The following PTPRG variants were observed in gnomAD, a reference collection of about 807,000 sequenced individuals.
PTPRG encodes the protein protein tyrosine phosphatase receptor type G.
Under a neutral mutation model 165.3 loss-of-function variants are expected in PTPRG, and 102 were observed. The observed-to-expected ratio is 0.62, with a 90% CI of 0.53 to 0.73. The LOEUF is 0.73. Among genes scored for constraint, PTPRG ranks in the 30% least tolerant of loss-of-function variants. The pLI is 0.00. For missense variants in PTPRG, 1,866 were observed against 1,861.4 expected, an observed-to-expected ratio of 1.00 and a Z score of -0.05; for synonymous variants, 675 against 669.5, an observed-to-expected ratio of 1.01 and a Z score of -0.13.
chr3:61,784,880 A>G (rs1172330204), intron 2 of PTPRG, among the ~76,000 whole-genome samples: 2 of 152,216 alleles, frequency 1.3e-5, no homozygotes, highest in Admixed American at 1.3e-4. Flanking sequence ...ACAGCTTAAT[A>G]GTCTGAAAAC....
intron 1 of PTPRG, among the ~76,000 whole-genome samples, chr3:61,744,461 C>T (rs1053059173): frequency 6.6e-6 from 1 of 152,192 alleles, no homozygotes; most frequent in Non-Finnish European, 1.5e-5. Context: ...CAATGTGTTA[C>T]CGTCCTGGAT....
At chr3:61,845,631 G>A (rs2036785290) in intron 2 of PTPRG, among the ~76,000 whole-genome samples, 1 of 152,208 alleles carries the variant, frequency 6.6e-6, no homozygotes, top group African/African-American at 2.4e-5. Flanking sequence ...GGTGTATATT[G>A]TGGAAGATGA....
chr3:62,030,691 T>C (rs1321431373), intron 4 of PTPRG, among the ~76,000 whole-genome samples: 1 of 152,146 alleles, frequency 6.6e-6, no homozygotes, highest in Non-Finnish European at 1.5e-5. Context: ...TCATGGACAG[T>C]TAATGAACAG....
intron 14 of PTPRG, among the ~76,000 whole-genome samples, chr3:62,238,616 C>T (rs1304739234): frequency 1.3e-5 from 2 of 152,102 alleles, no homozygotes; most frequent in African/African-American, 4.8e-5. Context: ...AGGGAGTCTT[C>T]ACAATACACA....
intron 1 of PTPRG, among the ~76,000 whole-genome samples, chr3:61,677,397 G>A (rs921107206): frequency 1.3e-4 from 20 of 152,224 alleles, no homozygotes; most frequent in Admixed American, 4.6e-4. Context: ...CTTTACATGT[G>A]AGGAAACGAG....
At chr3:61,678,916 T>C (rs1559553696) in intron 1 of PTPRG, among the ~76,000 whole-genome samples, 1 of 152,230 alleles carries the variant, frequency 6.6e-6, no homozygotes, top group South Asian at 2.1e-4. Context: ...CTCATTAGTA[T>C]CTCTGTATTA....
chr3:61,712,124 C>T (rs1014472093), intron 1 of PTPRG, among the ~76,000 whole-genome samples: 5 of 152,074 alleles, frequency 3.3e-5, no homozygotes, highest in African/African-American at 4.8e-5. Context: ...GAACTCCTGA[C>T]CTTAGGTGAC....
At chr3:62,033,842 A>G (rs1246808943) in intron 4 of PTPRG, among the ~76,000 whole-genome samples, 1 of 152,154 alleles carries the variant, frequency 6.6e-6, no homozygotes, top group African/African-American at 2.4e-5. Context: ...ACCTCAGCTC[A>G]CTGCAACCTC....
At chr3:61,676,175 T>C in intron 1 of PTPRG, among the ~76,000 whole-genome samples, 1 of 152,080 alleles carries the variant, frequency 6.6e-6, no homozygotes, top group East Asian at 1.9e-4. Flanking sequence ...TACTAAAGTC[T>C]AGGCGGGCAC....
chr3:62,176,723 G>A (rs1010762402), intron 8 of PTPRG, among the ~76,000 whole-genome samples: 31 of 152,200 alleles, frequency 2.0e-4, no homozygotes, highest in African/African-American at 7.5e-4. Context: ...GATCTGTACC[G>A]TGGGGCCATT....
intron 2 of PTPRG, among the ~76,000 whole-genome samples, chr3:61,898,758 TAAAG>T (rs1324002129): frequency 6.6e-6 from 1 of 152,078 alleles, no homozygotes; most frequent in Non-Finnish European, 1.5e-5. Flanking sequence ...AGTGAATAAA[TAAAG>T]AAGAATGAAG....
At chr3:62,242,182 ATAT>A (rs1440243278) in intron 14 of PTPRG, among the ~76,000 whole-genome samples, 1 of 152,240 alleles carries the variant, frequency 6.6e-6, no homozygotes, top group African/African-American at 2.4e-5. Context: ...GAGCCCTATA[ATAT>A]TATGTGCATT....
Position 62,294,010 on chromosome 3 carries a change from C to T in PTPRG, c.*703C>T, listed in dbSNP as rs1213110360. ...CAAAATAAAGGATAACTCTGTATTA[C>T]AGCTTTCACAGTAGCTATGTGGACA... On this transcript the variant is annotated 3_prime_UTR_variant, in exon 30 of 30. Transcript: ENST00000474889. 6.6e-6 allele frequency: 1 copy of T among 152,534 alleles called. No homozygotes were observed. Among genetic ancestry groups the T allele is most frequent in the Admixed American group, 6.6e-5 (1 of 15,242 alleles). 9.4% of individuals were successfully genotyped at this position (152,534 alleles called of 1,614,324 possible). A position where few individuals can be genotyped will look rare whatever the true frequency, so the allele number is the denominator to read the frequency against.
rs1253996381 is a variant in PTPRG at position 62,224,104 on chromosome 3, G to A, written c.2288+5121G>A. 6.6e-6 allele frequency among the ~76,000 whole-genome samples: 1 copy of A among 152,070 alleles called. No individual in the cohort carries two copies. The highest frequency in any genetic ancestry group is 2.4e-5 in the African/African-American group (1 of 41,396). On this transcript the variant is annotated intron_variant, in intron 13 of 29. Transcript: ENST00000474889. This position sits in a 1 kb window ranked among gnomAD's most constrained non-coding sequence, Gnocchi z 4.9. ...ATTGGTTTGGGTGATGCTCCTAATA[G>A]GCCTTAAAGTCAATTCCAGAGGAGG...
At chr3:62,225,247 G>A (rs1700735411) in intron 13 of PTPRG, among the ~76,000 whole-genome samples, 1 of 152,184 alleles carries the variant, frequency 6.6e-6, no homozygotes, top group Non-Finnish European at 1.5e-5. Flanking sequence ...TGTTTTTATG[G>A]CAATAATGTG....
chr3:61,880,842 C>G (rs2037868015), intron 2 of PTPRG, among the ~76,000 whole-genome samples: 1 of 151,904 alleles, frequency 6.6e-6, no homozygotes, highest in Admixed American at 6.6e-5. Flanking sequence ...AGAGTAGTAA[C>G]CAGTAGTGGG....
intron 2 of PTPRG, among the ~76,000 whole-genome samples, chr3:61,827,138 A>G (rs960502931): frequency 1.3e-5 from 2 of 152,206 alleles, no homozygotes; most frequent in African/African-American, 2.4e-5. Context: ...GGAAGTGTGA[A>G]GGTGGAGCTA....
chr3:62,186,037 G>A (rs1705868518), intron 8 of PTPRG, among the ~76,000 whole-genome samples: 1 of 152,158 alleles, frequency 6.6e-6, no homozygotes, highest in African/African-American at 2.4e-5. Flanking sequence ...ATCACTTAAA[G>A]AGCAAGCAGA....
intron 2 of PTPRG, among the ~76,000 whole-genome samples, chr3:61,938,456 A>C (rs2039533758): frequency 6.6e-6 from 1 of 152,208 alleles, no homozygotes; most frequent in South Asian, 2.1e-4. Flanking sequence ...GAAATTTATT[A>C]TGAATCAAAT....
Sources: gnomAD v4.1 joint callset for allele counts (sites outside exome capture counted in the v4.1 genomes callset) on GRCh38, gnomAD v4.1.1 for gene constraint, Gnocchi (gnomAD v3.1) non-coding constraint, MANE v1.5 for transcripts, NCBI Gene and HGNC (gene_info 2026-07-23, HGNC 2026-07-21) for gene names.